The following NET1 variants were observed in gnomAD, a reference collection of about 807,000 sequenced individuals.
NET1 encodes neuroepithelial cell transforming 1, also known as neuroepithelial cell-transforming gene 1 protein.
In NET1, 42 loss-of-function variants were observed where a neutral mutation model predicts 61.1. The observed-to-expected ratio is 0.69, with a 90% CI of 0.54 to 0.89. The LOEUF is 0.89. Among genes scored for constraint, NET1 ranks in the 40% least tolerant of loss-of-function variants. The pLI, the probability that NET1 is intolerant of heterozygous loss-of-function variation, is 0.00. For synonymous variants in NET1, 254 were observed against 281.8 expected, an observed-to-expected ratio of 0.90 and a Z score of 0.99; for missense variants, 654 against 747.3, an observed-to-expected ratio of 0.88 and a Z score of 1.46.
chr10:5,456,836 A>G lies in NET1; in HGVS notation c.1633A>G (p.Thr545Ala). Residue 545 changes from threonine to alanine, a missense_variant, in exon 12 of 12, where the codon ACT becomes GCT. Transcript: ENST00000355029. The surrounding 1 kb of genome is among the most constrained non-coding windows in gnomAD (Gnocchi z 7.0). ...GAGGGCATCCACAGTTTCCAGTGTT[A>G]CTCAGGTAGAAGTTGATGAAAACGC... ...QRRASTVSSV[T>A]QVEVDENAYR... 6.2e-7 allele frequency: 1 copy of G among 1,614,042 alleles called. No individual in the cohort carries two copies. The highest frequency in any genetic ancestry group is 1.1e-5 in the South Asian group (1 of 91,052).
In NET1 at chr10:5,416,602, T is replaced by G. The variant is rs534246196; in HGVS notation, c.128+3782T>G. Among the ~76,000 whole-genome samples the G allele has an allele frequency of 1.3e-5, 2 of 152,362 alleles. No individual in the cohort carries two copies. Among genetic ancestry groups the G allele is most frequent in the South Asian group, 4.1e-4 (2 of 4,824 alleles). On this transcript the variant is annotated intron_variant, in intron 1 of 11. Transcript: ENST00000355029. The surrounding 1 kb of genome is among the most constrained non-coding windows in gnomAD (Gnocchi z 6.1). ...GTGTTTTGTAGTTTTCAGAGTATAG[T>G]TCTGCATGTTTTGCTAAATTTATTC...
chr10:5,436,225 C>CATATATATATATATAT (rs1411296575), intron 3 of NET1, among the ~76,000 whole-genome samples: 1 of 24,648 alleles, frequency 4.1e-5, no homozygotes, highest in African/African-American at 1.9e-4. Flanking sequence ...TGTGTGTGTG[C>CATATATATATATATAT]ATATATATAT....
chr10:5,437,726 TAGA>T lies in NET1; in HGVS notation c.255+8501_255+8503del, dbSNP rs1832461250. 6.6e-6 allele frequency among the ~76,000 whole-genome samples: 1 copy of T among 152,012 alleles called. No homozygotes were observed. The highest frequency in any genetic ancestry group is 2.4e-5 in the African/African-American group (1 of 41,390). ...ACCTGACAGGAAATCAATAAGGAAG[TAGA>T]AGACTTAAACAGCACTCAGACCAAA... On this transcript the variant is annotated intron_variant, in intron 3 of 11. Coordinates refer to ENST00000355029, the MANE Select transcript of NET1 (RefSeq NM_001047160.3). The surrounding 1 kb of genome is among the most constrained non-coding windows in gnomAD (Gnocchi z 4.3).
rs1832461638 is a variant in NET1 at position 5,437,757 on chromosome 10, G to C, written c.255+8528G>C. ...ACTTAAACAGCACTCAGACCAAATGGACCTAACAGACATACAGAGCCCTTC... is the reference window on the plus strand; with the variant it reads ...ACTTAAACAGCACTCAGACCAAATGCACCTAACAGACATACAGAGCCCTTC... On this transcript the variant is annotated intron_variant, in intron 3 of 11. Transcript: ENST00000355029. The surrounding 1 kb of genome is among the most constrained non-coding windows in gnomAD (Gnocchi z 4.3). Among the ~76,000 whole-genome samples the C allele has an allele frequency of 3.3e-5, 5 of 151,832 alleles. No homozygotes were observed. Among genetic ancestry groups the C allele is most frequent in the Admixed American group, 3.3e-4 (5 of 15,240 alleles).
Position 5,446,469 on chromosome 10 carries a change from T to C in NET1, c.256-5361T>C. 1 of 722,414 alleles carries C rather than the reference T, an allele frequency of 1.4e-6. No homozygotes were observed. 44.8% of individuals were successfully genotyped at this position (722,414 alleles called of 1,614,324 possible). A position where few individuals can be genotyped will look rare whatever the true frequency, so the allele number is the denominator to read the frequency against. ...CTTGAACCCAGCTTCACTCTCCTCC[T>C]GGGCGAAAGCTGAGAGGCCTAGGTG... On this transcript the variant is annotated intron_variant, in intron 3 of 11. Coordinates refer to ENST00000355029, the MANE Select transcript of NET1 (RefSeq NM_001047160.3). The surrounding 1 kb of genome is among the most constrained non-coding windows in gnomAD (Gnocchi z 5.0).
At position 5,455,596 on chromosome 10, in the gene NET1, A is replaced by G. The variant is rs1328342696; in HGVS notation, c.1197+478A>G. Among the ~76,000 whole-genome samples the G allele has an allele frequency of 1.3e-5, 2 of 152,250 alleles. No homozygotes were observed. Among genetic ancestry groups the G allele is most frequent in the African/African-American group, 4.8e-5 (2 of 41,470 alleles). On this transcript the variant is annotated intron_variant, in intron 10 of 11. Coordinates refer to ENST00000355029, the MANE Select transcript of NET1 (RefSeq NM_001047160.3). This position sits in a 1 kb window ranked among gnomAD's most constrained non-coding sequence, Gnocchi z 6.5. ...TTTTTGTTTCATCATGCATTTTCAAAAGCCCAATTTATAAGTTGGAGTTTT... is the reference window on the plus strand; with the variant it reads ...TTTTTGTTTCATCATGCATTTTCAAGAGCCCAATTTATAAGTTGGAGTTTT...
chr10:5,438,394 G>A (rs1832471313), intron 3 of NET1, among the ~76,000 whole-genome samples: 1 of 152,144 alleles, frequency 6.6e-6, no homozygotes, highest in Non-Finnish European at 1.5e-5. Context: ...AATGAGAAAT[G>A]AAAGTGGGGC....
intron 3 of NET1, among the ~76,000 whole-genome samples, chr10:5,434,282 C>A (rs1238130311): frequency 6.6e-6 from 1 of 152,168 alleles, no homozygotes; most frequent in African/African-American, 2.4e-5. Context: ...TCTCTTTTAT[C>A]TGGAACTTTT....
chr10:5,435,522 T>TAGATAGACAGAC lies in NET1; in HGVS notation c.255+6300_255+6301insCAGACAGATAGA, dbSNP rs1832415447. On this transcript the variant is annotated intron_variant, in intron 3 of 11. Coordinates refer to ENST00000355029, the MANE Select transcript of NET1 (RefSeq NM_001047160.3). The surrounding 1 kb of genome is among the most constrained non-coding windows in gnomAD (Gnocchi z 5.0). ...ATAGATAGATAGATAGATAGATAGA[T>TAGATAGACAGAC]AGATAGATAGACAGACAGACAGATA... Among the ~76,000 whole-genome samples, 1 of 32,648 alleles carries TAGATAGACAGAC rather than the reference T, an allele frequency of 3.1e-5. No individual in the cohort carries two copies. Among genetic ancestry groups the TAGATAGACAGAC allele is most frequent in the African/African-American group, 7.9e-5 (1 of 12,636 alleles). The allele number at this position is 32,648 out of a possible 152,430, so 21.4% of individuals were successfully genotyped here. A position where few individuals can be genotyped will look rare whatever the true frequency, so the allele number is the denominator to read the frequency against.
intron 2 of NET1, 91 bp from the exon 3 acceptor site, chr10:5,429,079 A>T (rs1832307334): frequency 3.1e-6 from 3 of 960,500 alleles, no homozygotes; most frequent in Non-Finnish European, 4.7e-6. Context: ...TAACTTTTTT[A>T]AATTGATTTT....
At chr10:5,430,211 A>G (rs541218877) in intron 3 of NET1, among the ~76,000 whole-genome samples, 1 of 152,320 alleles carries the variant, frequency 6.6e-6, no homozygotes, top group East Asian at 1.9e-4. Context: ...TTCAAATCAA[A>G]TCAAATACAG....
Position 5,457,245 on chromosome 10 carries a change from TCAAA to T in NET1, c.*256_*259del, listed in dbSNP as rs1832820432. Reference sequence around the variant, plus strand: ...ACATGGTAAGCCTGGTATTTTTTAATCAAACAAAATATTTATGAAATGGGTTTTC... The same window carrying T: ...ACATGGTAAGCCTGGTATTTTTTAATCAAAATATTTATGAAATGGGTTTTC... On this transcript the variant is annotated 3_prime_UTR_variant, in exon 12 of 12. Coordinates refer to ENST00000355029, the MANE Select transcript of NET1 (RefSeq NM_001047160.3). This position sits in a 1 kb window ranked among gnomAD's most constrained non-coding sequence, Gnocchi z 5.4. 3.4e-6 allele frequency: 1 copy of T among 295,490 alleles called. No individual in the cohort carries two copies. Among genetic ancestry groups the T allele is most frequent in the Non-Finnish European group, 6.2e-6 (1 of 162,010 alleles). 18.3% of individuals were successfully genotyped at this position (295,490 alleles called of 1,614,324 possible).
In NET1 at chr10:5,420,750, C is replaced by G. The variant is rs1832160955; in HGVS notation, c.129-5905C>G. Among the ~76,000 whole-genome samples, 1 of 152,134 alleles carries G rather than the reference C, an allele frequency of 6.6e-6. No individual in the cohort carries two copies. Among genetic ancestry groups the G allele is most frequent in the African/African-American group, 2.4e-5 (1 of 41,426 alleles). ...AACTGGGATTACAGGCAAGCGCCACCACGCCCAGCTAATTTTTGTATTTTT... is the reference window on the plus strand; with the variant it reads ...AACTGGGATTACAGGCAAGCGCCACGACGCCCAGCTAATTTTTGTATTTTT... On this transcript the variant is annotated intron_variant, in intron 1 of 11. Transcript: ENST00000355029. This position sits in a 1 kb window ranked among gnomAD's most constrained non-coding sequence, Gnocchi z 5.3.
Position 5,451,801 on chromosome 10 carries a change from A to G in NET1, c.256-29A>G, listed in dbSNP as rs1258607572. The G allele has an allele frequency of 6.4e-7, 1 of 1,570,126 alleles. No homozygotes were observed. ...ATGAAATCATTGCACCTAGACATAT[A>G]TTTAGTGTCATCTGGTTTGTTTTTA... On this transcript the variant is annotated intron_variant, in intron 3 of 11. Coordinates refer to ENST00000355029, the MANE Select transcript of NET1 (RefSeq NM_001047160.3). This position sits in a 1 kb window ranked among gnomAD's most constrained non-coding sequence, Gnocchi z 6.1.
Position 5,452,371 on chromosome 10 carries a change from G to C in NET1, c.377G>C (p.Arg126Pro), listed in dbSNP as rs146200933. The C allele has an allele frequency of 2.5e-6, 4 of 1,606,210 alleles. No individual in the cohort carries two copies. In the South Asian group the frequency reaches 4.5e-5, roughly 18 times the overall value. ...FGQTIQSFTL[R>P]GDHRSPASAQ... Reference sequence around the variant, plus strand: ...TTCTTTTTTAAGTCATTTACCCTTCGTGGTGACCACAGATCCCCAGCCTCT... The same window carrying C: ...TTCTTTTTTAAGTCATTTACCCTTCCTGGTGACCACAGATCCCCAGCCTCT... The change falls in exon 5 of 12, where the codon CGT (arginine) becomes CCT (proline). Residue 126 changes from arginine to proline, a missense_variant. Physicochemically the swap from Arg to Pro is moderately radical, Grantham distance 103 (BLOSUM62 -2). Coordinates refer to ENST00000355029, the MANE Select transcript of NET1 (RefSeq NM_001047160.3). This position sits in a 1 kb window ranked among gnomAD's most constrained non-coding sequence, Gnocchi z 4.0.
At position 5,453,646 on chromosome 10, in the gene NET1, C is replaced by G. The variant is rs1832746109; in HGVS notation, c.768+86C>G. On this transcript the variant is annotated intron_variant, in intron 8 of 11. Coordinates refer to ENST00000355029, the MANE Select transcript of NET1 (RefSeq NM_001047160.3). This position sits in a 1 kb window ranked among gnomAD's most constrained non-coding sequence, Gnocchi z 4.9. Reference sequence around the variant, plus strand: ...CTGATGAATATGAGACAGATTTGATCCCACAACTCTGTTCTACAAACACAT... The same window carrying G: ...CTGATGAATATGAGACAGATTTGATGCCACAACTCTGTTCTACAAACACAT... The G allele has an allele frequency of 6.1e-6, 7 of 1,145,036 alleles. No homozygotes were observed. The highest frequency in any genetic ancestry group is 2.3e-5 in the East Asian group (1 of 42,702). The allele number at this position is 1,145,036 out of a possible 1,614,324, so 70.9% of individuals were successfully genotyped here.
At chr10:5,448,677 T>TG (rs1400732315) in intron 3 of NET1, among the ~76,000 whole-genome samples, 1 of 150,332 alleles carries the variant, frequency 6.7e-6, no homozygotes, top group African/African-American at 2.5e-5. Context: ...TTTGGATTTT[T>TG]TTTTTTTTTT....
rs1213621880 is a variant in NET1, at chr10:5,422,261, CT to C, written c.129-4393del. Among the ~76,000 whole-genome samples, 1 of 151,844 alleles carries C rather than the reference CT, an allele frequency of 6.6e-6. No individual in the cohort carries two copies. ...TTGAGGCAGGAGAATCGCTTGAACC[CT>C]GGAGGCGGAGGTTGTAGTGAGCCGA... On this transcript the variant is annotated intron_variant, in intron 1 of 11. Coordinates refer to ENST00000355029, the MANE Select transcript of NET1 (RefSeq NM_001047160.3). The surrounding 1 kb of genome is among the most constrained non-coding windows in gnomAD (Gnocchi z 4.1).
chr10:5,429,331 T>C (rs1213915927), intron 3 of NET1, 102 bp downstream of exon 3: 6 of 902,612 alleles, frequency 6.6e-6, no homozygotes, highest in Non-Finnish European at 1.0e-5. Flanking sequence ...GGTTTTTTTG[T>C]TTTTTTGTTT....
Sources: gnomAD v4.1 joint callset for allele counts (sites outside exome capture counted in the v4.1 genomes callset) on GRCh38, gnomAD v4.1.1 for gene constraint, Gnocchi (gnomAD v3.1) non-coding constraint, MANE v1.5 for transcripts, NCBI Gene and HGNC (gene_info 2026-07-23, HGNC 2026-07-21) for gene names.